FAF1: variants seen among roughly 807,000 people sequenced by gnomAD.
The protein encoded by FAF1 is Fas associated factor 1.
A neutral mutation model predicts 92.5 loss-of-function variants in FAF1; 25 were observed. The observed-to-expected ratio is 0.27, with a 90% CI of 0.20 to 0.38. The LOEUF (loss-of-function observed/expected upper bound fraction) is 0.38, where lower values mean the gene tolerates loss of function less well. Ranked by LOEUF, FAF1 falls within the 10% of genes least tolerant of loss-of-function variation. The probability of loss-of-function intolerance (pLI) is 1.00; values close to 1 mark genes in which losing one functional copy is unlikely to be tolerated. For synonymous variants in FAF1, 234 were observed against 273.2 expected, an observed-to-expected ratio of 0.86 and a Z score of 1.42; for missense variants, 636 against 793.3, an observed-to-expected ratio of 0.80 and a Z score of 2.38.
intron 1 of FAF1, among the ~76,000 whole-genome samples, chr1:50,859,155 T>C (rs2124667579): frequency 6.6e-6 from 1 of 151,568 alleles, no homozygotes; most frequent in South Asian, 2.1e-4. Context: ...TCACACCTAA[T>C]ATACTGAATG....
In FAF1 at chr1:50,899,725, C is replaced by T. The variant is rs566856793; in HGVS notation, c.46-41728G>A. 2.6e-5 allele frequency among the ~76,000 whole-genome samples: 4 copies of T among 152,336 alleles called. No individual in the cohort carries two copies. The South Asian group carries it at 8.3e-4, about 32-fold the overall frequency. On this transcript the variant is annotated intron_variant, in intron 1 of 18. Transcript: ENST00000396153. ...CTCGCCTCCCAAAGTGCTGGGATTACAGGCGTGAGCCACCACGCCCAGCCT... is the reference window on the plus strand; with the variant it reads ...CTCGCCTCCCAAAGTGCTGGGATTATAGGCGTGAGCCACCACGCCCAGCCT...
intron 1 of FAF1, among the ~76,000 whole-genome samples, chr1:50,938,739 G>A (rs1402657866): frequency 1.3e-5 from 2 of 152,098 alleles, no homozygotes; most frequent in Non-Finnish European, 2.9e-5. Context: ...AATCCATCTT[G>A]AGTTAATTCT....
chr1:50,903,071 C>T (rs1048949358), intron 1 of FAF1, among the ~76,000 whole-genome samples: 1 of 152,052 alleles, frequency 6.6e-6, no homozygotes, highest in African/African-American at 2.4e-5. Context: ...CTTCTATCTC[C>T]CCTACTAGAT....
At chr1:50,629,973 G>A (rs960794613) in intron 8 of FAF1, among the ~76,000 whole-genome samples, 2 of 151,834 alleles carry the variant, frequency 1.3e-5, no homozygotes, top group Admixed American at 6.6e-5. Flanking sequence ...CAGGAGAATC[G>A]CTTGAACCTG....
chr1:50,542,663 C>T lies in FAF1; in HGVS notation c.1269-2935G>A, dbSNP rs567272712. 3.3e-5 allele frequency among the ~76,000 whole-genome samples: 5 copies of T among 152,288 alleles called. No homozygotes were observed. In the South Asian group the frequency reaches 1.0e-3, roughly 32 times the overall value. ...GTTTCCATAAGTAAATTCCTGCAATCTCAAACCCAAAGTGGGGAAGCAAGG... is the reference window on the plus strand; with the variant it reads ...GTTTCCATAAGTAAATTCCTGCAATTTCAAACCCAAAGTGGGGAAGCAAGG... On this transcript the variant is annotated intron_variant, in intron 13 of 18. Coordinates refer to ENST00000396153, the MANE Select transcript of FAF1 (RefSeq NM_007051.3).
chr1:50,571,079 A>G (rs1650416359), intron 12 of FAF1, among the ~76,000 whole-genome samples: 1 of 152,250 alleles, frequency 6.6e-6, no homozygotes, highest in Admixed American at 6.5e-5. Context: ...TTGAGACTAT[A>G]AAGATGAATG....
Position 50,896,257 on chromosome 1 carries a change from C to A in FAF1, c.46-38260G>T, listed in dbSNP as rs192992564. Reference sequence around the variant, plus strand: ...CCATGATTGCACCACTGCACTCCAGCCTGGATGATAGAGTGAGACCCTGTC... The same window carrying A: ...CCATGATTGCACCACTGCACTCCAGACTGGATGATAGAGTGAGACCCTGTC... On this transcript the variant is annotated intron_variant, in intron 1 of 18. Coordinates refer to ENST00000396153, the MANE Select transcript of FAF1 (RefSeq NM_007051.3). 1.2e-4 allele frequency among the ~76,000 whole-genome samples: 18 copies of A among 152,044 alleles called. No homozygotes were observed. The East Asian group carries it at 3.3e-3, about 28-fold the overall frequency.
At chr1:50,775,399 T>C (rs1660920985) in intron 4 of FAF1, among the ~76,000 whole-genome samples, 1 of 152,100 alleles carries the variant, frequency 6.6e-6, no homozygotes, top group African/African-American at 2.4e-5. Context: ...GGGTAAGATG[T>C]GTTAAAATCC....
chr1:50,695,387 A>G (rs1385445389), intron 7 of FAF1, among the ~76,000 whole-genome samples: 1 of 152,072 alleles, frequency 6.6e-6, no homozygotes, highest in Non-Finnish European at 1.5e-5. Context: ...AAAAAAAAAA[A>G]TCATCCAGTG....
At chr1:50,892,867 T>C (rs941765512) in intron 1 of FAF1, among the ~76,000 whole-genome samples, 1 of 152,164 alleles carries the variant, frequency 6.6e-6, no homozygotes, top group Non-Finnish European at 1.5e-5. Flanking sequence ...AATGAAGGCA[T>C]GCTTCATTCT....
intron 4 of FAF1, among the ~76,000 whole-genome samples, chr1:50,757,183 A>C (rs573695902): frequency 6.6e-6 from 1 of 152,356 alleles, no homozygotes; most frequent in Non-Finnish European, 1.5e-5. Context: ...TTAATGATCA[A>C]CTGCCCAAGA....
At chr1:50,634,610 C>G (rs1416064137) in intron 8 of FAF1, among the ~76,000 whole-genome samples, 1 of 152,070 alleles carries the variant, frequency 6.6e-6, no homozygotes, top group Non-Finnish European at 1.5e-5. Flanking sequence ...AAAAAAGAAC[C>G]TGTTTGTGGT....
chr1:50,448,639 T>G (rs189521884), intron 18 of FAF1, among the ~76,000 whole-genome samples: 53 of 152,286 alleles, frequency 3.5e-4, no homozygotes, highest in Admixed American at 3.1e-3. Flanking sequence ...AGCTATACCA[T>G]GGACTGAGTG....
chr1:50,490,890 T>G (rs1346835796), intron 16 of FAF1, among the ~76,000 whole-genome samples: 1 of 152,204 alleles, frequency 6.6e-6, no homozygotes, highest in African/African-American at 2.4e-5. Flanking sequence ...AATGTTAGGT[T>G]CCTATTCAAA....
chr1:50,567,041 G>C, intron 13 of FAF1, 36 bp downstream of exon 13: 1 of 1,456,358 alleles, frequency 6.9e-7, no homozygotes, highest in African/African-American at 1.4e-5. Flanking sequence ...TTTTTTAATA[G>C]AAGCCCAACT....
At chr1:50,731,031 G>A (rs1658893144) in intron 6 of FAF1, among the ~76,000 whole-genome samples, 1 of 152,192 alleles carries the variant, frequency 6.6e-6, no homozygotes, top group South Asian at 2.1e-4. Flanking sequence ...CCCCAAGCTG[G>A]GCTTTCCCAG....
intron 1 of FAF1, among the ~76,000 whole-genome samples, chr1:50,860,850 G>T (rs1025298836): frequency 6.6e-6 from 1 of 151,762 alleles, no homozygotes; most frequent in Non-Finnish European, 1.5e-5. Context: ...CATCAACAAT[G>T]GACTGGATAA....
chr1:50,919,994 G>C (rs1034294116), intron 1 of FAF1, among the ~76,000 whole-genome samples: 1 of 152,084 alleles, frequency 6.6e-6, no homozygotes, highest in African/African-American at 2.4e-5. Flanking sequence ...TCTGAGGTCA[G>C]GAATGGCCAT....
chr1:50,505,611 T>C (rs1414403195), intron 15 of FAF1, among the ~76,000 whole-genome samples: 1 of 152,214 alleles, frequency 6.6e-6, no homozygotes, highest in Non-Finnish European at 1.5e-5. Context: ...GGGCCAAAAC[T>C]GATTTGTGGC....
Sources: gnomAD v4.1 joint callset for allele counts (sites outside exome capture counted in the v4.1 genomes callset) on GRCh38, gnomAD v4.1.1 for gene constraint, MANE v1.5 for transcripts, NCBI Gene and HGNC (gene_info 2026-07-23, HGNC 2026-07-21) for gene names.